The following JADE1 variants were observed in gnomAD, a reference collection of about 807,000 sequenced individuals.
The protein encoded by JADE1 is protein Jade-1.
Under a neutral mutation model 81.8 loss-of-function variants are expected in JADE1, and 14 were observed. The observed-to-expected ratio is 0.17, with a 90% confidence interval of 0.11 to 0.27. The LOEUF (loss-of-function observed/expected upper bound fraction) is 0.27. JADE1 is among the 10% of genes least tolerant of loss of function. JADE1 has a pLI of 1.00. For synonymous variants in JADE1, 353 were observed against 391.9 expected, an observed-to-expected ratio of 0.90 and a Z score of 1.17; for missense variants, 690 against 1,047.9, an observed-to-expected ratio of 0.66 and a Z score of 4.71.
At chr4:128,848,705 C>T (rs1268839947) in intron 4 of JADE1, among the ~76,000 whole-genome samples, 1 of 152,146 alleles carries the variant, frequency 6.6e-6, no homozygotes, top group East Asian at 1.9e-4. Flanking sequence ...TGGCTGCAGG[C>T]CAGAGTGGTC....
chr4:128,866,197 A>C (rs1731767573), intron 9 of JADE1, among the ~76,000 whole-genome samples: 1 of 152,232 alleles, frequency 6.6e-6, no homozygotes, highest in African/African-American at 2.4e-5. Context: ...AAGGGAAGAA[A>C]CTACCTTAAC....
At chr4:128,863,393 C>T (rs1560777416) in intron 9 of JADE1, 1 of 985,346 alleles carries the variant, frequency 1.0e-6, no homozygotes, top group Non-Finnish European at 1.2e-6. Context: ...GAAAGGTACC[C>T]AAGTGGCCTG....
At chr4:128,839,797 A>T (rs1337899820) in intron 2 of JADE1, among the ~76,000 whole-genome samples, 1 of 152,150 alleles carries the variant, frequency 6.6e-6, no homozygotes, top group Non-Finnish European at 1.5e-5. Context: ...GATATACCAG[A>T]GTTTTTTCAT....
At chr4:128,834,046 T>A (rs916842486) in intron 2 of JADE1, among the ~76,000 whole-genome samples, 6 of 152,194 alleles carry the variant, frequency 3.9e-5, no homozygotes, top group African/African-American at 1.4e-4. Flanking sequence ...CACATGTGGC[T>A]AGTGTCCACT....
At chr4:128,835,633 G>A (rs142208347) in intron 2 of JADE1, among the ~76,000 whole-genome samples, 36 of 152,310 alleles carry the variant, frequency 2.4e-4, no homozygotes, top group African/African-American at 8.2e-4. Flanking sequence ...AAGAAAGATA[G>A]GGTCTATGCA....
intron 3 of JADE1, among the ~76,000 whole-genome samples, chr4:128,844,236 C>T (rs1010102748): frequency 8.5e-5 from 13 of 152,200 alleles, no homozygotes; most frequent in Non-Finnish European, 1.8e-4. Flanking sequence ...GTGACGAGGG[C>T]TGGTCCCCAG....
intron 1 of JADE1, among the ~76,000 whole-genome samples, chr4:128,829,091 T>A (rs964429423): frequency 6.6e-6 from 1 of 152,178 alleles, no homozygotes; most frequent in East Asian, 1.9e-4. Flanking sequence ...TCTAGAAGGT[T>A]GGAGAGCTTA....
chr4:128,810,807 T>C (rs1304733540), intron 1 of JADE1, among the ~76,000 whole-genome samples: 7 of 152,052 alleles, frequency 4.6e-5, no homozygotes, highest in Non-Finnish European at 8.8e-5. Context: ...GATCAGATCT[T>C]TTACTTACAG....
In JADE1 at chr4:128,871,849, G is replaced by A. The variant is rs370556123; in HGVS notation, c.2116G>A (p.Val706Met). The change falls in exon 11 of 11, where the codon GTG (valine) becomes ATG (methionine). Residue 706 changes from valine to methionine, a missense_variant. Val to Met is a conservative substitution (Grantham distance 21). Around this residue, in one of 8 missense-constraint regions of JADE1, gnomAD observed 218 missense variants for 274.3 expected, o/e 0.79. Transcript: ENST00000226319. This position sits in a 1 kb window ranked among gnomAD's most constrained non-coding sequence, Gnocchi z 4.1. ...CACAAGAGCTGCCACCTCCCCTGGA[G>A]TGGGGCAGTCAGCACCTGGCACAAG... Reference protein sequence around the residue: ...DNTRAATSPGVGQSAPGTRKE... With the variant: ...DNTRAATSPGMGQSAPGTRKE... 3 of 1,613,938 alleles carry A rather than the reference G, an allele frequency of 1.9e-6. No homozygotes were observed. The highest frequency in any genetic ancestry group is 2.5e-6 in the Non-Finnish European group (3 of 1,179,948).
chr4:128,812,302 G>A (rs960876243), intron 1 of JADE1, among the ~76,000 whole-genome samples: 3 of 151,684 alleles, frequency 2.0e-5, no homozygotes, highest in Non-Finnish European at 4.4e-5. Context: ...GCCTCGGGAG[G>A]AGGAGGAGGA....
intron 7 of JADE1, 97 bp from the exon 8 acceptor site, chr4:128,857,241 A>C: frequency 1.1e-6 from 1 of 921,634 alleles, no homozygotes; most frequent in Non-Finnish European, 1.8e-6. Context: ...GTCTGGTAGG[A>C]GAGATGTAGG....
At chr4:128,869,241 G>A (rs1355214069) in intron 10 of JADE1, among the ~76,000 whole-genome samples, 1 of 152,270 alleles carries the variant, frequency 6.6e-6, no homozygotes. Flanking sequence ...TCATTAGCTG[G>A]AACTTGCAGT....
At chr4:128,850,737 GA>G (rs1397021683) in intron 5 of JADE1, among the ~76,000 whole-genome samples, 1 of 152,206 alleles carries the variant, frequency 6.6e-6, no homozygotes, top group Non-Finnish European at 1.5e-5. Context: ...CACTTGACTG[GA>G]ATCTAGGTGT....
intron 10 of JADE1, among the ~76,000 whole-genome samples, chr4:128,868,407 G>T (rs1426715181): frequency 1.3e-5 from 2 of 152,214 alleles, no homozygotes; most frequent in Non-Finnish European, 2.9e-5. Flanking sequence ...GTCAATATAT[G>T]TTAAGACTGT....
At chr4:128,852,808 G>C (rs1730467710) in intron 6 of JADE1, among the ~76,000 whole-genome samples, 1 of 152,114 alleles carries the variant, frequency 6.6e-6, no homozygotes, top group Non-Finnish European at 1.5e-5. Flanking sequence ...GCCCTTCCTT[G>C]CCTCTTCGTA....
chr4:128,859,756 T>C (rs912302193), intron 8 of JADE1, among the ~76,000 whole-genome samples: 19 of 152,228 alleles, frequency 1.2e-4, no homozygotes, highest in Admixed American at 6.5e-5. Flanking sequence ...ATGGGATCTT[T>C]GTTTCCCTTT....
intron 9 of JADE1, chr4:128,862,989 G>A (rs1428385677): frequency 1.0e-6 from 1 of 985,666 alleles, no homozygotes; most frequent in Non-Finnish European, 1.2e-6. Flanking sequence ...GTGGACAGGG[G>A]TGTCAGATCT....
rs184099905 is a variant in JADE1 at position 128,859,510 on chromosome 4, C to T, written c.981+2056C>T. 1.4e-3 allele frequency among the ~76,000 whole-genome samples: 215 copies of T among 149,932 alleles called. 1 individual carries two copies. The highest frequency in any genetic ancestry group is 5.0e-3 in the African/African-American group (204 of 40,648). On this transcript the variant is annotated intron_variant, in intron 8 of 10. Transcript: ENST00000226319. The stretch of plus-strand genomic sequence containing the variant: ...GAGTATGCATGTGTATGTGTGTATG[C>T]GTGTGAGTATGCTTGTGTATGTGTG...
chr4:128,841,220 G>C (rs1729407429), intron 2 of JADE1, among the ~76,000 whole-genome samples: 1 of 152,212 alleles, frequency 6.6e-6, no homozygotes, highest in Admixed American at 6.5e-5. Context: ...AAATGGTACA[G>C]TAGGTGTTCA....
Sources: gnomAD v4.1 joint callset for allele counts (sites outside exome capture counted in the v4.1 genomes callset) on GRCh38, gnomAD v4.1.1 for gene constraint, gnomAD v4.1.1 regional missense constraint, Gnocchi (gnomAD v3.1) non-coding constraint, MANE v1.5 for transcripts, NCBI Gene and HGNC (gene_info 2026-07-23, HGNC 2026-07-21) for gene names.